PCDH7: variants seen among roughly 807,000 people sequenced by gnomAD.
PCDH7 encodes protocadherin-7.
PCDH7 carries 17 observed loss-of-function variants against 58.9 expected under a neutral mutation model. The ratio of observed to expected loss-of-function variants is 0.29; its 90% CI spans 0.20 to 0.43. The LOEUF (loss-of-function observed/expected upper bound fraction) is 0.43. PCDH7 is among the 20% of genes least tolerant of loss of function. PCDH7 has a pLI of 1.00. For missense variants in PCDH7, 1,274 were observed against 1,441.0 expected (o/e 0.88, Z 1.88); for synonymous variants, 664 against 616.4 (o/e 1.08, Z -1.14).
At chr4:30,981,890 T>C (rs1750603241) in intron 3 of PCDH7, among the ~76,000 whole-genome samples, 1 of 152,190 alleles carries the variant, frequency 6.6e-6, no homozygotes, top group Non-Finnish European at 1.5e-5. Context: ...CCATTCACCA[T>C]TGTTGGCAGC....
chr4:31,111,984 A>C (rs1716377154), intron 3 of PCDH7, among the ~76,000 whole-genome samples: 1 of 152,232 alleles, frequency 6.6e-6, no homozygotes, highest in Non-Finnish European at 1.5e-5. Flanking sequence ...AAATTGAATA[A>C]ATTAATGAGT....
At chr4:30,912,591 C>T (rs947572382) in intron 1 of PCDH7, among the ~76,000 whole-genome samples, 10 of 151,972 alleles carry the variant, frequency 6.6e-5, no homozygotes, top group African/African-American at 2.2e-4. Context: ...GATAAGGAGA[C>T]GATTTATGGA....
chr4:31,130,157 T>A (rs1718801236), intron 3 of PCDH7, among the ~76,000 whole-genome samples: 1 of 152,166 alleles, frequency 6.6e-6, no homozygotes, highest in Admixed American at 6.5e-5. Context: ...TACCCAAATT[T>A]AGAATGACTT....
chr4:30,844,829 A>C (rs1731701996), intron 1 of PCDH7, among the ~76,000 whole-genome samples: 1 of 152,192 alleles, frequency 6.6e-6, no homozygotes, highest in African/African-American at 2.4e-5. Context: ...ATTACATTCC[A>C]CAGGGTTAAA....
At chr4:30,895,922 A>G (rs1275859414) in intron 1 of PCDH7, among the ~76,000 whole-genome samples, 1 of 152,098 alleles carries the variant, frequency 6.6e-6, no homozygotes. Context: ...ATAATTCAGG[A>G]CTCTATTGAT....
chr4:30,744,008 A>T (rs1577625020), intron 1 of PCDH7, among the ~76,000 whole-genome samples: 2 of 152,138 alleles, frequency 1.3e-5, no homozygotes, highest in South Asian at 4.1e-4. Flanking sequence ...TAGGCAATCT[A>T]TCTCCGTTGA....
chr4:30,911,530 A>G (rs2109405545), intron 1 of PCDH7, among the ~76,000 whole-genome samples: 1 of 152,294 alleles, frequency 6.6e-6, no homozygotes. Flanking sequence ...AGCAATAAAG[A>G]GCAAAACCTA....
At chr4:30,897,150 C>T (rs542647491) in intron 1 of PCDH7, among the ~76,000 whole-genome samples, 16 of 152,026 alleles carry the variant, frequency 1.1e-4, no homozygotes, top group South Asian at 4.2e-4. Flanking sequence ...GTCATCCTCC[C>T]GCCTCGGCCT....
At chr4:31,104,026 C>T (rs1403709946) in intron 3 of PCDH7, among the ~76,000 whole-genome samples, 1 of 152,210 alleles carries the variant, frequency 6.6e-6, no homozygotes, top group Non-Finnish European at 1.5e-5. Flanking sequence ...CACTCCATTC[C>T]TTGGTGGTCA....
chr4:30,870,876 G>A (rs1016809391), intron 1 of PCDH7, among the ~76,000 whole-genome samples: 10 of 151,938 alleles, frequency 6.6e-5, no homozygotes, highest in Admixed American at 5.3e-4. Context: ...TATTACCACT[G>A]GATTTTGCAC....
At chr4:31,051,060 A>C (rs1433617314) in intron 3 of PCDH7, among the ~76,000 whole-genome samples, 1 of 152,074 alleles carries the variant, frequency 6.6e-6, no homozygotes, top group Non-Finnish European at 1.5e-5. Flanking sequence ...TAACTATTTC[A>C]CTATTTGTGT....
At position 31,051,834 on chromosome 4, in the gene PCDH7, G is replaced by GT. The variant is rs66792126; in HGVS notation, c.*8-90639_*8-90638insT. On this transcript the variant is annotated intron_variant, in intron 3 of 3. Coordinates refer to the PCDH7 transcript ENST00000509759. ...AACCAAAGCATTGTTGGGTGTGTGT[G>GT]GGGGGCGGGTAGGGGAATTGTTCAT... Among the ~76,000 whole-genome samples, 27 of 119,506 alleles carry GT rather than the reference G, an allele frequency of 2.3e-4. 1 individual carries two copies. The highest frequency in any genetic ancestry group is 5.8e-4 in the South Asian group (2 of 3,452). The allele number at this position is 119,506 out of a possible 152,430, so 78.4% of individuals were successfully genotyped here.
chr4:31,114,317 C>T lies in PCDH7; in HGVS notation c.*8-28156C>T, dbSNP rs573177589. Among the ~76,000 whole-genome samples, 5 of 152,016 alleles carry T rather than the reference C, an allele frequency of 3.3e-5. No homozygotes were observed. The South Asian group carries it at 8.3e-4, about 25-fold the overall frequency. ...CATCTTTGGGTAAATAATAAATCAG[C>T]ATATTGGTATTATTTAAAATATCCA... On this transcript the variant is annotated intron_variant, in intron 3 of 3. Coordinates refer to the PCDH7 transcript ENST00000509759.
intron 3 of PCDH7, among the ~76,000 whole-genome samples, chr4:31,120,663 C>T (rs1717581070): frequency 6.6e-6 from 1 of 152,004 alleles, no homozygotes; most frequent in Admixed American, 6.6e-5. Context: ...AATGTCCAAC[C>T]AAGCAAATAA....
chr4:31,015,313 A>C (rs949291822), intron 3 of PCDH7, among the ~76,000 whole-genome samples: 1 of 152,220 alleles, frequency 6.6e-6, no homozygotes, highest in Non-Finnish European at 1.5e-5. Flanking sequence ...ATGAAATGCC[A>C]AGTCCATGAC....
At chr4:31,011,638 A>G (rs541910281) in intron 3 of PCDH7, among the ~76,000 whole-genome samples, 1 of 152,058 alleles carries the variant, frequency 6.6e-6, no homozygotes, top group Non-Finnish European at 1.5e-5. Context: ...AGGCTGGGGT[A>G]TATATGAATT....
chr4:30,825,715 T>C lies in PCDH7; in HGVS notation c.71-94438T>C, dbSNP rs1658753290. Among the ~76,000 whole-genome samples, 5 of 152,150 alleles carry C rather than the reference T, an allele frequency of 3.3e-5. No homozygotes were observed. The South Asian group carries it at 1.0e-3, about 31-fold the overall frequency. ...GACTTTTGAGAAGTGACCACAGTGGTTTAAGTGCTTAAGTTCTTGGATCAT... is the reference window on the plus strand; with the variant it reads ...GACTTTTGAGAAGTGACCACAGTGGCTTAAGTGCTTAAGTTCTTGGATCAT... On this transcript the variant is annotated intron_variant, in intron 1 of 3. Coordinates refer to the PCDH7 transcript ENST00000509759.
chr4:30,974,780 G>A (rs1749917078), intron 3 of PCDH7, among the ~76,000 whole-genome samples: 1 of 152,090 alleles, frequency 6.6e-6, no homozygotes, highest in Non-Finnish European at 1.5e-5. Context: ...CTTTCAATGA[G>A]GTTTTAAGAG....
intron 1 of PCDH7, among the ~76,000 whole-genome samples, chr4:30,822,006 C>T (rs920755372): frequency 6.6e-6 from 1 of 151,968 alleles, no homozygotes; most frequent in African/African-American, 2.4e-5. Flanking sequence ...TGAGTTAAGC[C>T]CTGTCTCGTA....
Sources: allele counts gnomAD v4.1 joint callset (sites outside exome capture counted in the v4.1 genomes callset), GRCh38; gene constraint gnomAD v4.1.1; transcripts MANE v1.5; gene names NCBI Gene and HGNC (gene_info 2026-07-23, HGNC 2026-07-21).